UNC79: variants seen among roughly 807,000 people sequenced by gnomAD.
The protein encoded by UNC79 is protein unc-79 homolog.
In UNC79, 37 loss-of-function variants were observed where a neutral mutation model predicts 283.1. The ratio of observed to expected loss-of-function variants is 0.13; its 90% CI spans 0.10 to 0.17. The LOEUF is 0.17. Ranked by LOEUF, UNC79 falls within the 10% of genes least tolerant of loss-of-function variation. The pLI, the probability that UNC79 is intolerant of heterozygous loss-of-function variation, is 1.00. For missense variants in UNC79, 2,272 were observed against 3,211.1 expected (o/e 0.71, Z 7.07); for synonymous variants, 1,107 against 1,200.2 (o/e 0.92, Z 1.61).
chr14:93,644,211 C>T (rs913024971), intron 34 of UNC79, among the ~76,000 whole-genome samples: 1 of 152,158 alleles, frequency 6.6e-6, no homozygotes, highest in Admixed American at 6.5e-5. Context: ...ATTTGGGGAA[C>T]AGGGCTTTCA....
chr14:93,697,877 G>GCTATAAAT (rs1486326621), intron 47 of UNC79, among the ~76,000 whole-genome samples: 1 of 152,192 alleles, frequency 6.6e-6, no homozygotes, highest in Non-Finnish European at 1.5e-5. Flanking sequence ...AGTGATTAGT[G>GCTATAAAT]CTATAAATTT....
chr14:93,379,712 G>T (rs1159613807), intron 1 of UNC79, among the ~76,000 whole-genome samples: 1 of 150,594 alleles, frequency 6.6e-6, no homozygotes, highest in Admixed American at 6.6e-5. Flanking sequence ...GCAGGGGGAG[G>T]GTGGGAGGGG....
intron 7 of UNC79, among the ~76,000 whole-genome samples, chr14:93,503,814 G>T (rs140718030): frequency 6.6e-6 from 1 of 151,624 alleles, no homozygotes; most frequent in African/African-American, 2.4e-5. Context: ...AGCATTCTTT[G>T]TCTTCATATT....
At chr14:93,618,794 T>A (rs1366339621) in intron 29 of UNC79, among the ~76,000 whole-genome samples, 1 of 152,196 alleles carries the variant, frequency 6.6e-6, no homozygotes, top group Non-Finnish European at 1.5e-5. Context: ...AGACTTTTAA[T>A]TTAATACAAA....
At chr14:93,679,794 G>A (rs980542346) in intron 41 of UNC79, among the ~76,000 whole-genome samples, 17 of 152,136 alleles carry the variant, frequency 1.1e-4, no homozygotes, top group African/African-American at 3.9e-4. Context: ...ATTCATGGGG[G>A]AATGCATATT....
intron 33 of UNC79, among the ~76,000 whole-genome samples, chr14:93,642,519 T>G (rs17184397): frequency 0.11 from 17,304 of 151,824 alleles, 1,253 homozygotes; most frequent in Admixed American, 0.17. Flanking sequence ...TGTAATGACC[T>G]GACAGCCATG....
At chr14:93,622,682 A>G (rs763859454) in exon 30 of UNC79, 4 of 1,614,192 alleles carry the variant, frequency 2.5e-6, no homozygotes, top group Non-Finnish European at 2.5e-6. Flanking sequence ...GAATCCTGAA[A>G]GGAAGGTGGA....
intron 40 of UNC79, among the ~76,000 whole-genome samples, chr14:93,669,532 T>C (rs910110214): frequency 3.9e-5 from 6 of 152,186 alleles, no homozygotes; most frequent in African/African-American, 1.4e-4. Flanking sequence ...CTTTACATTT[T>C]GGTGTAAAGA....
rs940142211 is a variant in UNC79, at chr14:93,572,612, A to G, written c.1947-81A>G. 3.2e-6 allele frequency: 5 copies of G among 1,571,660 alleles called. No individual in the cohort carries two copies. In the African/African-American group the frequency reaches 5.4e-5, roughly 17 times the overall value. On this transcript the variant is annotated intron_variant, in intron 15 of 48. Transcript: ENST00000555664. Reference sequence around the variant, plus strand: ...AAAGGCTTGGCTCTCCAAATAGGGAATAGTTAGAAAGACGGTGGTGGTATT... The same window carrying G: ...AAAGGCTTGGCTCTCCAAATAGGGAGTAGTTAGAAAGACGGTGGTGGTATT...
chr14:93,693,066 G>A (rs1028913962), intron 46 of UNC79, among the ~76,000 whole-genome samples: 1 of 152,098 alleles, frequency 6.6e-6, no homozygotes, highest in Non-Finnish European at 1.5e-5. Context: ...TTTTCTTTTG[G>A]TTCTTAATTA....
intron 14 of UNC79, among the ~76,000 whole-genome samples, chr14:93,561,280 G>A (rs2062532142): frequency 6.6e-6 from 1 of 152,288 alleles, no homozygotes; most frequent in East Asian, 1.9e-4. Flanking sequence ...TTTTTGTTGT[G>A]AGGGGTCCAA....
chr14:93,626,554 A>G (rs982006224), intron 30 of UNC79, among the ~76,000 whole-genome samples: 11 of 152,200 alleles, frequency 7.2e-5, no homozygotes, highest in African/African-American at 1.2e-4. Flanking sequence ...TCTCCCAACT[A>G]TTAGCCCATT....
chr14:93,619,060 C>T (rs1596098881), intron 29 of UNC79, among the ~76,000 whole-genome samples: 1 of 152,152 alleles, frequency 6.6e-6, no homozygotes, highest in East Asian at 1.9e-4. Context: ...ACCAAGTGTC[C>T]ACTGACCCTT....
chr14:93,488,822 G>C (rs12100722), intron 5 of UNC79, among the ~76,000 whole-genome samples: 79,193 of 151,530 alleles, frequency 0.52, 21,110 homozygotes, highest in Admixed American at 0.63. Flanking sequence ...GAATTCTCAG[G>C]GTCCTCCTTT....
At chr14:93,419,025 C>T (rs531010572) in intron 1 of UNC79, among the ~76,000 whole-genome samples, 2 of 151,908 alleles carry the variant, frequency 1.3e-5, no homozygotes, top group African/African-American at 2.4e-5. Context: ...GTGCGCTGCA[C>T]CCACTGTCCT....
At chr14:93,362,149 C>CT (rs999734273) in intron 1 of UNC79, among the ~76,000 whole-genome samples, 13 of 152,062 alleles carry the variant, frequency 8.5e-5, no homozygotes, top group Admixed American at 3.9e-4. Context: ...CTGGAATTGT[C>CT]TTTTTTCATC....
intron 12 of UNC79, among the ~76,000 whole-genome samples, chr14:93,540,082 C>T (rs1015354935): frequency 6.6e-6 from 1 of 152,152 alleles, no homozygotes; most frequent in African/African-American, 2.4e-5. Context: ...AATACATTAC[C>T]AAGTTGCTTT....
intron 14 of UNC79, among the ~76,000 whole-genome samples, chr14:93,547,628 C>T (rs2061667311): frequency 6.6e-6 from 1 of 152,032 alleles, no homozygotes; most frequent in African/African-American, 2.4e-5. Context: ...AAAAGAGAAA[C>T]AAAACTTAGC....
At chr14:93,624,519 A>C (rs903179721) in intron 30 of UNC79, among the ~76,000 whole-genome samples, 4 of 152,132 alleles carry the variant, frequency 2.6e-5, no homozygotes, top group African/African-American at 9.7e-5. Flanking sequence ...TGTAGGTTGC[A>C]TGTAGGTTCT....
Sources: allele counts gnomAD v4.1 joint callset (sites outside exome capture counted in the v4.1 genomes callset), GRCh38; gene constraint gnomAD v4.1.1; transcripts MANE v1.5; gene names NCBI Gene and HGNC (gene_info 2026-07-23, HGNC 2026-07-21).